SLC19A1: variants seen among roughly 807,000 people sequenced by gnomAD.
SLC19A1 encodes the protein solute carrier family 19 member 1, also known as reduced folate transporter.
In SLC19A1, 37 loss-of-function variants were observed where a neutral mutation model predicts 35.3. The ratio of observed to expected loss-of-function variants is 1.05; its 90% CI spans 0.81 to 1.38. SLC19A1 has a LOEUF of 1.38. Ranked by LOEUF, SLC19A1 falls within the 40% of genes most tolerant of loss-of-function variation. The pLI, the probability that SLC19A1 is intolerant of heterozygous loss-of-function variation, is 0.00. For missense variants in SLC19A1, 831 were observed against 826.9 expected (o/e 1.00, Z -0.06); for synonymous variants, 460 against 398.5 (o/e 1.15, Z -1.84).
intron 2 of SLC19A1, among the ~76,000 whole-genome samples, chr21:45,537,188 CT>C (rs2146418851): frequency 6.6e-6 from 1 of 152,312 alleles, no homozygotes; most frequent in East Asian, 1.9e-4. Context: ...GGCAGGCTCT[CT>C]CTCTGCAGGA....
intron 1 of SLC19A1, among the ~76,000 whole-genome samples, chr21:45,560,183 G>A (rs1050124271): frequency 5.9e-5 from 9 of 152,126 alleles, no homozygotes; most frequent in African/African-American, 1.2e-4. Context: ...AGGTGGGGAC[G>A]CCAGGGCCCG....
exon 1 of SLC19A1, among the ~76,000 whole-genome samples, chr21:45,562,785 G>C (rs2078627124): frequency 6.6e-6 from 1 of 152,124 alleles, no homozygotes; most frequent in Non-Finnish European, 1.5e-5. Flanking sequence ...CCGGTATCTA[G>C]GTGTGAATGG....
chr21:45,536,270 T>C (rs2078109679), intron 2 of SLC19A1: 1 of 154,134 alleles, frequency 6.5e-6, no homozygotes. Context: ...GATTTAAACA[T>C]TTTTGCTCTA....
chr21:45,534,369 C>T lies in SLC19A1; in HGVS notation c.190-2221G>A, dbSNP rs751187233. ...CCTAGGACCTCAGGGACCCCCGACCCCCAGACACAGGAGGCTGCGTGGGGG... is the reference window on the plus strand; with the variant it reads ...CCTAGGACCTCAGGGACCCCCGACCTCCAGACACAGGAGGCTGCGTGGGGG... On this transcript the variant is annotated intron_variant, in intron 2 of 5. Transcript: ENST00000311124. The surrounding 1 kb of genome is among the most constrained non-coding windows in gnomAD (Gnocchi z 4.2). Among the ~76,000 whole-genome samples, 13 of 152,178 alleles carry T rather than the reference C, an allele frequency of 8.5e-5. No homozygotes were observed. Among genetic ancestry groups the T allele is most frequent in the Non-Finnish European group, 1.6e-4 (11 of 68,030 alleles).
At position 45,504,020 on chromosome 21, in the gene SLC19A1, C is replaced by T. The variant is rs201753320; in HGVS notation, c.498-5408G>A. The T allele has an allele frequency of 4.5e-4, 733 of 1,613,632 alleles. 1 individual carries two copies. Among genetic ancestry groups the T allele is most frequent in the Non-Finnish European group, 5.7e-4 (677 of 1,179,968 alleles). On this transcript the variant is annotated intron_variant, in intron 3 of 4. Transcript: ENST00000417954. ...TGTCTCTCTCTTGCAGGGCAGTTTCCGTTTGACTTTCTTCAGTTGGAGGCT... is the reference window on the plus strand; with the variant it reads ...TGTCTCTCTCTTGCAGGGCAGTTTCTGTTTGACTTTCTTCAGTTGGAGGCT...
Position 45,514,908 on chromosome 21 carries a change from G to A in SLC19A1, c.*750C>T, listed in dbSNP as rs2037810002. On this transcript the variant is annotated 3_prime_UTR_variant, in exon 6 of 6. Transcript: ENST00000311124. ...GCCTGGCACATACCAAGGCCAGCAC[G>A]TCCGCGGTGACCGGGACCAGTCCCC... The A allele has an allele frequency of 1.4e-5, 18 of 1,255,084 alleles. No individual in the cohort carries two copies. The highest frequency in any genetic ancestry group is 1.4e-4 in the East Asian group (5 of 35,114). 77.7% of individuals were successfully genotyped at this position (1,255,084 alleles called of 1,614,324 possible). A position where few individuals can be genotyped will look rare whatever the true frequency, so the allele number is the denominator to read the frequency against.
chr21:45,549,066 C>T (rs984754771), upstream of SLC19A1, among the ~76,000 whole-genome samples: 1 of 152,198 alleles, frequency 6.6e-6, no homozygotes, highest in Non-Finnish European at 1.5e-5. Context: ...TGCATGATCC[C>T]ACAAAAGCCC....
upstream of SLC19A1, among the ~76,000 whole-genome samples, chr21:45,546,721 G>A (rs189233780): frequency 1.3e-5 from 2 of 152,240 alleles, no homozygotes; most frequent in Non-Finnish European, 2.9e-5. Flanking sequence ...CCTACTGCAA[G>A]GTGGAGTTTG....
At chr21:45,537,187 T>G (rs1025333418) in intron 2 of SLC19A1, among the ~76,000 whole-genome samples, 2 of 152,140 alleles carry the variant, frequency 1.3e-5, no homozygotes, top group Non-Finnish European at 2.9e-5. Context: ...GGGCAGGCTC[T>G]CTCTCTGCAG....
chr21:45,505,786 T>TG, intron 3 of SLC19A1: 2 of 939,194 alleles, frequency 2.1e-6, no homozygotes, highest in Non-Finnish European at 3.2e-6. Context: ...CTTCCGCCCC[T>TG]GCCCCCCGCC....
At chr21:45,526,386 A>G (rs2077621542) in intron 4 of SLC19A1, among the ~76,000 whole-genome samples, 1 of 152,158 alleles carries the variant, frequency 6.6e-6, no homozygotes, top group African/African-American at 2.4e-5. Context: ...CCTGACAAAC[A>G]TTTGCAAGCC....
At chr21:45,512,443 G>A (rs1417002976), downstream of SLC19A1, 2 of 1,581,324 alleles carry the variant, frequency 1.3e-6, no homozygotes, top group African/African-American at 1.3e-5. Flanking sequence ...GCGGCTCGGA[G>A]GAAGCCCCCA....
At position 45,525,845 on chromosome 21, in the gene SLC19A1, C is replaced by T. The variant is rs374164733; in HGVS notation, c.1265G>A (p.Arg422Gln). The T allele has an allele frequency of 1.7e-4, 273 of 1,613,284 alleles. 2 individuals carry two copies. The highest frequency in any genetic ancestry group is 1.8e-4 in the Non-Finnish European group (214 of 1,179,968). ...CTTGCGGACCGGGAGGCCCAGGCCC[C>T]GCACGTCCGAGACAATGAAAGTGAT... ...TIITFIVSDV[R>Q]GLGLPVRKQF... Residue 422 changes from arginine to glutamine, a missense_variant, in exon 5 of 6, where the codon CGG becomes CAG. Physicochemically the swap from Arg to Gln is conservative, Grantham distance 43 (BLOSUM62 1). Transcript: ENST00000311124.
intron 3 of SLC19A1, chr21:45,504,227 C>A: frequency 1.1e-6 from 1 of 928,478 alleles, no homozygotes; most frequent in Non-Finnish European, 1.7e-6. Context: ...CTGTCCCCGG[C>A]TCAGTTTTTG....
chr21:45,544,102 G>C, upstream of SLC19A1: 1 of 152,480 alleles, frequency 6.6e-6, no homozygotes, highest in Non-Finnish European at 1.5e-5. Flanking sequence ...AGCCCCAAGG[G>C]GACCCCGCAG....
intron 4 of SLC19A1, among the ~76,000 whole-genome samples, chr21:45,527,391 GT>G (rs1419842006): frequency 1.1e-4 from 17 of 149,920 alleles, no homozygotes; most frequent in South Asian, 6.4e-4. Flanking sequence ...GTGGCAGCAG[GT>G]TAGGACGGGC....
intron 1 of SLC19A1, 113 bp downstream of exon 1, chr21:45,542,255 C>G (rs1020323207): frequency 5.4e-5 from 8 of 146,870 alleles, no homozygotes; most frequent in Non-Finnish European, 1.2e-4. Flanking sequence ...AGCCCCCACA[C>G]TCACCTCACA....
chr21:45,504,019 C>T (rs762255278), intron 3 of SLC19A1: 3 of 1,613,694 alleles, frequency 1.9e-6, no homozygotes, highest in Non-Finnish European at 2.5e-6. Flanking sequence ...AGGGCAGTTT[C>T]CGTTTGACTT....
At chr21:45,508,995 C>T (rs2037412777), downstream of SLC19A1, among the ~76,000 whole-genome samples, 1 of 152,092 alleles carries the variant, frequency 6.6e-6, no homozygotes, top group Non-Finnish European at 1.5e-5. Context: ...GGAGACAGAG[C>T]AAGGCCCTGG....
Sources: gnomAD v4.1 joint callset for allele counts (sites outside exome capture counted in the v4.1 genomes callset) on GRCh38, gnomAD v4.1.1 for gene constraint, Gnocchi (gnomAD v3.1) non-coding constraint, MANE v1.5 for transcripts, NCBI Gene and HGNC (gene_info 2026-07-23, HGNC 2026-07-21) for gene names.